Variants in SPRY4 observed in about 807,000 individuals in gnomAD.
The protein encoded by SPRY4 is protein sprouty homolog 4.
A neutral mutation model predicts 17.0 loss-of-function variants in SPRY4; 7 were observed. The observed-to-expected ratio is 0.41, with a 90% CI of 0.23 to 0.77. The LOEUF (loss-of-function observed/expected upper bound fraction) is 0.77. SPRY4 is among the 30% of genes least tolerant of loss of function. SPRY4 has a pLI of 0.32. For synonymous variants in SPRY4, 183 were observed against 174.1 expected (o/e 1.05, Z -0.40); for missense variants, 435 against 419.9 (o/e 1.04, Z -0.31).
intron 1 of SPRY4, among the ~76,000 whole-genome samples, chr5:142,319,370 C>T (rs888736615): frequency 1.3e-5 from 2 of 152,178 alleles, no homozygotes; most frequent in African/African-American, 2.4e-5. Context: ...AGTTCAAGTG[C>T]TCTTCACTCC....
chr5:142,315,762 T>C (rs1282923230), intron 1 of SPRY4: 2 of 152,472 alleles, frequency 1.3e-5, no homozygotes, highest in African/African-American at 4.8e-5. Context: ...AAATACTATC[T>C]ATTACCTAGC....
chr5:142,315,895 CAACA>C (rs766776742), intron 1 of SPRY4: 19 of 152,202 alleles, frequency 1.2e-4, no homozygotes, highest in Non-Finnish European at 1.8e-4. Flanking sequence ...GTGGTGAACT[CAACA>C]GACAGCTCTG....
intron 1 of SPRY4, chr5:142,317,464 A>G (rs529158134): frequency 1.0e-6 from 1 of 985,354 alleles, no homozygotes; most frequent in Non-Finnish European, 1.2e-6. Flanking sequence ...CCAGAAACCG[A>G]TGTCAGGAAT....
Position 142,314,968 on chromosome 5 carries a change from A to G in SPRY4, c.141T>C (p.His47=), listed in dbSNP as rs1759094637. 4 of 1,613,834 alleles carry G rather than the reference A, an allele frequency of 2.5e-6. No individual in the cohort carries two copies. The South Asian group carries it at 3.3e-5, about 13-fold the overall frequency. ...ILPIDQVKTS[H]VENDYIDNPS... ...GGTTGTCTATGTAGTCATTCTCCAC[A>G]TGGCTGGTCTTCACCTGGTCAATGG... is the stretch of plus-strand genomic sequence containing the variant. The change falls in exon 2 of 2, where the codon CAT becomes CAC. Residue 47 remains histidine, a synonymous_variant. Transcript: ENST00000434127. This position sits in a 1 kb window ranked among gnomAD's most constrained non-coding sequence, Gnocchi z 4.8.
Position 142,314,708 on chromosome 5 carries a change from T to C in SPRY4, c.401A>G (p.Lys134Arg), listed in dbSNP as rs1759076726. Residue 134 changes from lysine (K) to arginine (R), a missense_variant, in exon 2 of 2, where the codon AAG becomes AGG. Physicochemically the swap from Lys to Arg is conservative, Grantham distance 26. Coordinates refer to ENST00000434127, the MANE Select transcript of SPRY4 (RefSeq NM_001127496.3). This position sits in a 1 kb window ranked among gnomAD's most constrained non-coding sequence, Gnocchi z 4.8. ...ASPRAVRIQPKVVHCQPLDLK... is the reference protein window; with the variant it reads ...ASPRAVRIQPRVVHCQPLDLK... ...GTCCAGCGGCTGGCAGTGGACCACC[T>C]TGGGCTGGATGCGCACAGCCCTTGG... 6.2e-7 allele frequency: 1 copy of C among 1,613,758 alleles called. No individual in the cohort carries two copies. The highest frequency in any genetic ancestry group is 8.5e-7 in the Non-Finnish European group (1 of 1,179,800).
intron 1 of SPRY4, among the ~76,000 whole-genome samples, chr5:142,319,200 C>T (rs1354105858): frequency 6.6e-6 from 1 of 152,196 alleles, no homozygotes; most frequent in Non-Finnish European, 1.5e-5. Flanking sequence ...CCAGCCCTCA[C>T]GGAACATCAT....
At chr5:142,319,879 T>C in intron 1 of SPRY4, 2 of 1,285,460 alleles carry the variant, frequency 1.6e-6, no homozygotes, top group Non-Finnish European at 2.1e-6. Context: ...CCCCTTGACT[T>C]ACCCTAGGGA....
intron 1 of SPRY4, among the ~76,000 whole-genome samples, chr5:142,322,829 T>A (rs1257739723): frequency 6.6e-6 from 1 of 152,160 alleles, no homozygotes; most frequent in Non-Finnish European, 1.5e-5. Flanking sequence ...CATGGCGTGG[T>A]TGGTAAGTGT....
In SPRY4 at chr5:142,314,591, G is replaced by T. The variant is rs182325644; in HGVS notation, c.518C>A (p.Pro173His). ...GKCKCKECASPRTLPSCWVCN... is the reference protein window; with the variant it reads ...GKCKCKECASHRTLPSCWVCN... The stretch of plus-strand genomic sequence containing the variant: ...GACCCAGCAGGAAGGCAACGTCCGG[G>T]GGGATGCACACTCCTTGCATTTACA... Residue 173 changes from proline to histidine, a missense_variant, in exon 2 of 2, where the codon CCC (proline) becomes CAC (histidine). Pro to His is a moderately conservative substitution (Grantham distance 77). Transcript: ENST00000434127. The surrounding 1 kb of genome is among the most constrained non-coding windows in gnomAD (Gnocchi z 4.8). 3.1e-6 allele frequency: 5 copies of T among 1,614,232 alleles called. No individual in the cohort carries two copies. In the African/African-American group the frequency reaches 6.7e-5, roughly 22 times the overall value.
intron 1 of SPRY4, among the ~76,000 whole-genome samples, chr5:142,322,483 A>T (rs201363577): frequency 0.021 from 2,414 of 117,488 alleles, 44 homozygotes; most frequent in African/African-American, 0.045. Context: ...AAAAAAAAAA[A>T]ATATATATAT....
chr5:142,322,483 A>AAAAAAATATAT (rs79291595), intron 1 of SPRY4, among the ~76,000 whole-genome samples: 3 of 117,526 alleles, frequency 2.6e-5, no homozygotes, highest in African/African-American at 8.1e-5. Context: ...AAAAAAAAAA[A>AAAAAAATATAT]ATATATATAT....
intron 1 of SPRY4, among the ~76,000 whole-genome samples, chr5:142,321,159 C>T (rs1193678008): frequency 6.6e-6 from 1 of 152,182 alleles, no homozygotes; most frequent in Non-Finnish European, 1.5e-5. Context: ...CTCCCTCTTA[C>T]ATCACGCAAC....
At chr5:142,321,476 T>C (rs967619832) in intron 1 of SPRY4, among the ~76,000 whole-genome samples, 3 of 152,212 alleles carry the variant, frequency 2.0e-5, no homozygotes, top group Admixed American at 6.5e-5. Flanking sequence ...AAACATATTC[T>C]AATGAGTCAC....
chr5:142,317,186 A>T, intron 1 of SPRY4: 1 of 985,454 alleles, frequency 1.0e-6, no homozygotes, highest in Non-Finnish European at 1.2e-6. Context: ...GAGTTTTTCC[A>T]AGGATCAGGC....
intron 1 of SPRY4, chr5:142,318,046 G>A (rs949184739): frequency 3.0e-6 from 3 of 985,100 alleles, no homozygotes; most frequent in Non-Finnish European, 3.6e-6. Flanking sequence ...TCCACTGCTG[G>A]CCTCACCCCT....
intron 1 of SPRY4, among the ~76,000 whole-genome samples, chr5:142,323,122 T>C (rs1216501095): frequency 2.0e-5 from 3 of 151,884 alleles, no homozygotes; most frequent in African/African-American, 4.8e-5. Context: ...CCAAACATTG[T>C]GAAATCCACC....
Position 142,322,483 on chromosome 5 carries a change from A to AAAATAT in SPRY4, c.-48+2360_-48+2361insATATTT, listed in dbSNP as rs79291595. ...AAGACTCGTCTCAAGAAAAAAAAAA[A>AAAATAT]ATATATATATATATATATAAATGAA... On this transcript the variant is annotated intron_variant, in intron 1 of 1. Coordinates refer to ENST00000434127, the MANE Select transcript of SPRY4 (RefSeq NM_001127496.3). Among the ~76,000 whole-genome samples the AAAATAT allele has an allele frequency of 1.6e-4, 19 of 117,546 alleles. 1 individual carries two copies. The highest frequency in any genetic ancestry group is 1.4e-3 in the South Asian group (5 of 3,468). 77.1% of individuals were successfully genotyped at this position (117,546 alleles called of 152,430 possible).
chr5:142,315,088 C>G lies in SPRY4; in HGVS notation c.21G>C (p.Gln7His). The G allele has an allele frequency of 6.2e-7, 1 of 1,611,248 alleles. No homozygotes were observed. Among genetic ancestry groups the G allele is most frequent in the African/African-American group, 1.3e-5 (1 of 74,538 alleles). ...CTGAGTTGGGAGTCAAGGGGGCGCT[C>G]TGTGGGATCGGGGGCTCCATGGGGC... The part of the protein sequence containing the change: MEPPIP[Q>H]SAPLTPNSVM... Residue 7 changes from glutamine to histidine, a missense_variant, in exon 2 of 2, where the codon CAG (glutamine) becomes CAC (histidine). Transcript: ENST00000434127.
intron 1 of SPRY4, among the ~76,000 whole-genome samples, chr5:142,316,172 T>C (rs924643434): frequency 2.6e-5 from 4 of 151,876 alleles, no homozygotes; most frequent in Admixed American, 1.3e-4. Flanking sequence ...TTTACTAGAG[T>C]AGCTAAGCCA....
Sources: gnomAD v4.1 joint callset for allele counts (sites outside exome capture counted in the v4.1 genomes callset) on GRCh38, gnomAD v4.1.1 for gene constraint, Gnocchi (gnomAD v3.1) non-coding constraint, MANE v1.5 for transcripts, NCBI Gene and HGNC (gene_info 2026-07-23, HGNC 2026-07-21) for gene names.